The following OPCML variants were observed in gnomAD, a reference collection of about 807,000 sequenced individuals.
OPCML encodes the protein opioid binding protein/cell adhesion molecule like.
In OPCML, 13 loss-of-function variants were observed where a neutral mutation model predicts 37.8. The observed-to-expected ratio is 0.34, with a 90% CI of 0.22 to 0.55. OPCML has a LOEUF of 0.55. Among genes scored for constraint, OPCML ranks in the 20% least tolerant of loss-of-function variants. The probability of loss-of-function intolerance (pLI) is 0.91; values close to 1 mark genes in which losing one functional copy is unlikely to be tolerated. For synonymous variants in OPCML, 176 were observed against 168.8 expected (o/e 1.04, Z -0.33); for missense variants, 341 against 435.6 (o/e 0.78, Z 1.93).
At chr11:132,724,269 T>A (rs779731111) in intron 2 of OPCML, among the ~76,000 whole-genome samples, 7 of 152,198 alleles carry the variant, frequency 4.6e-5, no homozygotes, top group Non-Finnish European at 8.8e-5. Context: ...CTGATCAAGT[T>A]CGTTCAGAAT....
chr11:132,484,083 A>G (rs902903975), intron 4 of OPCML, among the ~76,000 whole-genome samples: 21 of 152,206 alleles, frequency 1.4e-4, no homozygotes, highest in African/African-American at 4.8e-4. Flanking sequence ...TAATTAAACT[A>G]AAGAGCTTCT....
chr11:133,034,979 G>A lies in OPCML; in HGVS notation c.62-91969C>T, dbSNP rs78707763. ...CTTTGCAGTGATCATCAGCCTCTCCGTCCTCTTAGGCATGGTCCCCTCTCC... is the reference window on the plus strand; with the variant it reads ...CTTTGCAGTGATCATCAGCCTCTCCATCCTCTTAGGCATGGTCCCCTCTCC... On this transcript the variant is annotated intron_variant, in intron 1 of 7. Transcript: ENST00000524381. 5.7e-3 allele frequency among the ~76,000 whole-genome samples: 865 copies of A among 152,166 alleles called. 6 individuals carry two copies. The highest frequency in any genetic ancestry group is 0.02 in the African/African-American group (813 of 41,528).
At chr11:132,517,402 A>G (rs1245182816) in intron 4 of OPCML, among the ~76,000 whole-genome samples, 1 of 152,178 alleles carries the variant, frequency 6.6e-6, no homozygotes, top group Non-Finnish European at 1.5e-5. Flanking sequence ...AGGAGGAAAC[A>G]AACCTTTCTA....
chr11:132,679,302 A>C (rs1942838942), intron 2 of OPCML, among the ~76,000 whole-genome samples: 1 of 152,228 alleles, frequency 6.6e-6, no homozygotes, highest in Admixed American at 6.5e-5. Flanking sequence ...ACAAATGTTC[A>C]TAACAGCATT....
intron 1 of OPCML, among the ~76,000 whole-genome samples, chr11:133,506,226 A>G (rs1041265386): frequency 7.2e-5 from 11 of 152,218 alleles, no homozygotes; most frequent in Non-Finnish European, 1.5e-4. Context: ...CAGGTCCCAC[A>G]GTAAAGAGGA....
In OPCML at chr11:132,888,230, C is replaced by T. The variant is rs79075830; in HGVS notation, c.146+54696G>A. On this transcript the variant is annotated intron_variant, in intron 2 of 7. Coordinates refer to ENST00000524381, the MANE Select transcript of OPCML (RefSeq NM_001012393.5). The stretch of plus-strand genomic sequence containing the variant: ...CCAAGATCTGGGTGGGACGTCTCAC[C>T]CCATACCACAAGGCACATGGGCCCA... Among the ~76,000 whole-genome samples, 484 of 152,272 alleles carry T rather than the reference C, an allele frequency of 3.2e-3. 2 individuals carry two copies. The highest frequency in any genetic ancestry group is 0.011 in the African/African-American group (448 of 41,546).
At chr11:133,005,348 G>A in intron 1 of OPCML, 1 of 985,396 alleles carries the variant, frequency 1.0e-6, no homozygotes, top group Non-Finnish European at 1.2e-6. Flanking sequence ...CAGTAAATGT[G>A]ATGTAGACAC....
chr11:132,870,583 G>A (rs369626413), intron 2 of OPCML, among the ~76,000 whole-genome samples: 13 of 152,186 alleles, frequency 8.5e-5, no homozygotes, highest in South Asian at 4.2e-4. Flanking sequence ...TCAGACTGTC[G>A]AAGAGATGTC....
chr11:132,902,781 C>T (rs1944107015), intron 2 of OPCML, among the ~76,000 whole-genome samples: 1 of 152,114 alleles, frequency 6.6e-6, no homozygotes, highest in African/African-American at 2.4e-5. Context: ...GGTCTCAAGA[C>T]TTGCTCCCTA....
At chr11:133,232,477 A>T (rs759783727) in intron 1 of OPCML, among the ~76,000 whole-genome samples, 1 of 152,202 alleles carries the variant, frequency 6.6e-6, no homozygotes, top group African/African-American at 2.4e-5. Context: ...GTGATGCATT[A>T]TAAAGTCATG....
chr11:133,011,598 C>CT (rs200276828), intron 1 of OPCML, among the ~76,000 whole-genome samples: 55,729 of 147,582 alleles, frequency 0.38, 11,406 homozygotes, highest in South Asian at 0.48. Context: ...AGTGGTTTCT[C>CT]TTTTTTTTTT....
chr11:133,501,770 G>A (rs1015771312), intron 1 of OPCML, among the ~76,000 whole-genome samples: 6 of 151,776 alleles, frequency 4.0e-5, no homozygotes, highest in African/African-American at 1.5e-4. Flanking sequence ...GGCCATCTTC[G>A]ACGTGAGTCA....
At chr11:133,199,012 A>G (rs1938650908) in intron 1 of OPCML, among the ~76,000 whole-genome samples, 1 of 152,214 alleles carries the variant, frequency 6.6e-6, no homozygotes, top group Non-Finnish European at 1.5e-5. Context: ...CACAAACAAC[A>G]TGATGGATAA....
At chr11:133,235,789 C>A (rs755696217) in intron 1 of OPCML, among the ~76,000 whole-genome samples, 1 of 152,182 alleles carries the variant, frequency 6.6e-6, no homozygotes, top group Non-Finnish European at 1.5e-5. Flanking sequence ...AGAGCTACAA[C>A]AAATGGGTGG....
In OPCML at chr11:133,247,994, T is replaced by C. The variant is rs183346565; in HGVS notation, c.61+284270A>G. Among the ~76,000 whole-genome samples the C allele has an allele frequency of 1.9e-3, 286 of 152,306 alleles. 5 individuals are homozygous for C. The highest frequency in any genetic ancestry group is 0.01 in the Middle Eastern group (3 of 294). ...ATTCAGATGAGTGCCAGGTTGGGAA[T>C]TGGGAGACCATTTTTTATTTTAATG... On this transcript the variant is annotated intron_variant, in intron 1 of 7. Coordinates refer to ENST00000524381, the MANE Select transcript of OPCML (RefSeq NM_001012393.5).
At position 133,497,655 on chromosome 11, in the gene OPCML, C is replaced by G. The variant is rs183028576; in HGVS notation, c.61+34609G>C. ...CCTCATGCCTCTGGCTTTGAGTATG[C>G]GTACAGAGCACACAGCCAGCTCAGT... On this transcript the variant is annotated intron_variant, in intron 1 of 7. Transcript: ENST00000524381. Among the ~76,000 whole-genome samples, 582 of 152,142 alleles carry G rather than the reference C, an allele frequency of 3.8e-3. 3 individuals carry two copies. Among genetic ancestry groups the G allele is most frequent in the African/African-American group, 0.013 (523 of 41,486 alleles).
intron 4 of OPCML, among the ~76,000 whole-genome samples, chr11:132,517,285 A>G (rs1436551314): frequency 2.0e-5 from 3 of 152,174 alleles, no homozygotes; most frequent in South Asian, 2.1e-4. Flanking sequence ...GATTTTTAGA[A>G]AGAAGTATAA....
At chr11:133,102,734 A>T (rs975267791) in intron 1 of OPCML, among the ~76,000 whole-genome samples, 11 of 152,180 alleles carry the variant, frequency 7.2e-5, no homozygotes, top group Non-Finnish European at 2.9e-5. Context: ...TGGGTGATAG[A>T]GCAAGACTCC....
At chr11:133,045,007 C>A (rs534554442) in intron 1 of OPCML, among the ~76,000 whole-genome samples, 1 of 152,288 alleles carries the variant, frequency 6.6e-6, no homozygotes, top group African/African-American at 2.4e-5. Context: ...AAAGAATAAA[C>A]ACATTTTTCA....
Sources: gnomAD v4.1 joint callset for allele counts (sites outside exome capture counted in the v4.1 genomes callset) on GRCh38, gnomAD v4.1.1 for gene constraint, MANE v1.5 for transcripts, NCBI Gene and HGNC (gene_info 2026-07-23, HGNC 2026-07-21) for gene names.